Variants in ATAD2 observed in about 807,000 individuals in gnomAD.
ATAD2 encodes ATPase family AAA domain containing 2, also known as ATPase family AAA domain-containing protein 2.
ATAD2 carries 62 observed loss-of-function variants against 168.9 expected under a neutral mutation model. The ratio of observed to expected loss-of-function variants is 0.37; its 90% CI spans 0.30 to 0.45. The LOEUF (loss-of-function observed/expected upper bound fraction) is 0.45. Ranked by LOEUF, ATAD2 falls within the 20% of genes least tolerant of loss-of-function variation. The pLI, the probability that ATAD2 is intolerant of heterozygous loss-of-function variation, is 1.00. For missense variants in ATAD2, 1,419 were observed against 1,667.8 expected, an observed-to-expected ratio of 0.85 and a Z score of 2.60; for synonymous variants, 613 against 571.6, an observed-to-expected ratio of 1.07 and a Z score of -1.03.
rs201866636 is a variant in ATAD2 at position 123,359,558 on chromosome 8, T to G, written c.1266+19A>C. 1 of 1,576,530 alleles carries G rather than the reference T, an allele frequency of 6.3e-7. No individual in the cohort carries two copies. Among genetic ancestry groups the G allele is most frequent in the Non-Finnish European group, 8.7e-7 (1 of 1,151,142 alleles). ...AGCACATTATAGTTCAAGCATATGT[T>G]TCAAAACAGAGTACTCACTGAAGAA... On this transcript the variant is annotated intron_variant, in intron 10 of 27. Transcript: ENST00000287394.
rs138433048 is a variant in ATAD2, at chr8:123,346,224, T to C, written c.2394A>G (p.Val798=). Residue 798 remains valine, a synonymous_variant, in exon 18 of 28, where the codon GTA becomes GTG. Transcript: ENST00000287394. ...PMSFRPRILI[V]GEPGFGQGSH... is the part of the protein sequence containing the mutation. Reference sequence around the variant, plus strand: ...AACCTTGCCCAAATCCTGGTTCTCCTACTATCAATATTCTTGGTCGAAAAG... The same window carrying C: ...AACCTTGCCCAAATCCTGGTTCTCCCACTATCAATATTCTTGGTCGAAAAG... 131 of 1,610,254 alleles carry C rather than the reference T, an allele frequency of 8.1e-5. No homozygotes were observed. The African/African-American group carries it at 1.6e-3, about 20-fold the overall frequency.
rs1054479680 is a variant in ATAD2 at position 123,328,511 on chromosome 8, T to C, written c.3547A>G (p.Ile1183Val). Residue 1183 changes from isoleucine to valine, a missense_variant, in exon 25 of 28, where the codon ATT becomes GTT. Around this residue, in one of 5 missense-constraint regions of ATAD2, gnomAD observed 303 missense variants for 304.3 expected, o/e 1.00. Coordinates refer to ENST00000287394, the MANE Select transcript of ATAD2 (RefSeq NM_014109.4). ...TGGCTATCATCCTTTGCCTGTGAAATCTTCCTTCGCTTTTTTATGGTGCCT... is the reference window on the plus strand; with the variant it reads ...TGGCTATCATCCTTTGCCTGTGAAACCTTCCTTCGCTTTTTTATGGTGCCT... ...YLGTIKKRRKISQAKDDSQNA... is the reference protein window; with the variant it reads ...YLGTIKKRRKVSQAKDDSQNA... The C allele has an allele frequency of 6.3e-7, 1 of 1,596,502 alleles. No individual in the cohort carries two copies. Among genetic ancestry groups the C allele is most frequent in the South Asian group, 1.2e-5 (1 of 85,550 alleles).
intron 1 of ATAD2, among the ~76,000 whole-genome samples, chr8:123,409,417 G>A (rs1314803191): frequency 6.6e-6 from 1 of 152,170 alleles, no homozygotes; most frequent in Admixed American, 6.5e-5. Context: ...TTTAACTTGG[G>A]AAAATAGCAT....
intron 4 of ATAD2, 114 bp from the exon 5 acceptor site, chr8:123,371,452 TAAG>T (rs752803950): frequency 1.1e-6 from 1 of 884,136 alleles, no homozygotes. Flanking sequence ...AATATTTTTA[TAAG>T]AAGCATTGAT....
chr8:123,350,471 A>G (rs901257860), intron 13 of ATAD2, among the ~76,000 whole-genome samples: 4 of 152,200 alleles, frequency 2.6e-5, no homozygotes, highest in Non-Finnish European at 5.9e-5. Flanking sequence ...ACCTGTTTAC[A>G]TTTGATTTAG....
upstream of ATAD2, chr8:123,396,582 C>G (rs1812849520): frequency 1.8e-6 from 1 of 551,444 alleles, no homozygotes; most frequent in Admixed American, 3.5e-5. Flanking sequence ...GGAGGCCGGG[C>G]CAACGTGGAG....
At position 123,402,160 on chromosome 8, in the gene ATAD2, C is replaced by T. The variant is rs1813011744; in HGVS notation, c.-2281-985G>A. The T allele has an allele frequency of 2.3e-5, 16 of 695,290 alleles. No homozygotes were observed. The highest frequency in any genetic ancestry group is 8.1e-5 in the Admixed American group (4 of 49,082). 43.1% of individuals were successfully genotyped at this position (695,290 alleles called of 1,614,324 possible). ...GGGGGCACCCCCCAGTGTCCACCTT[C>T]GGGCATAGCCTCCCTCCATCACTGA... On this transcript the variant is annotated intron_variant, in intron 1 of 28. Transcript: ENST00000521903. The surrounding 1 kb of genome is among the most constrained non-coding windows in gnomAD (Gnocchi z 4.8).
intron 26 of ATAD2, among the ~76,000 whole-genome samples, chr8:123,325,362 A>C (rs1297594333): frequency 6.6e-6 from 1 of 151,588 alleles, no homozygotes; most frequent in Non-Finnish European, 1.5e-5. Context: ...GGCTCACTGC[A>C]AGCTCCACCT....
At chr8:123,354,919 CTG>C (rs1287878690) in intron 13 of ATAD2, among the ~76,000 whole-genome samples, 1 of 134,368 alleles carries the variant, frequency 7.4e-6, no homozygotes, top group African/African-American at 2.9e-5. Flanking sequence ...TACAATTACT[CTG>C]TAATTTTTTT....
chr8:123,372,892 C>CTTTTTT (rs766308467), intron 2 of ATAD2, among the ~76,000 whole-genome samples: 2 of 137,938 alleles, frequency 1.4e-5, no homozygotes, highest in African/African-American at 5.4e-5. Flanking sequence ...ATCCAGCTAA[C>CTTTTTT]TTTTTTTTTT....
chr8:123,407,946 G>C (rs1813090005), intron 1 of ATAD2, among the ~76,000 whole-genome samples: 1 of 152,170 alleles, frequency 6.6e-6, no homozygotes, highest in Admixed American at 6.5e-5. Flanking sequence ...ACAGAAACGA[G>C]GCTCAGGTAA....
At chr8:123,369,734 C>T (rs2129736396) in intron 7 of ATAD2, 87 bp downstream of exon 7, 1 of 1,176,528 alleles carries the variant, frequency 8.5e-7, no homozygotes, top group Non-Finnish European at 1.2e-6. Flanking sequence ...ATGAAAAATA[C>T]CAAAAAGACA....
intron 25 of ATAD2, 65 bp from the exon 26 acceptor site, chr8:123,326,091 T>C: frequency 2.6e-6 from 4 of 1,529,082 alleles, no homozygotes; most frequent in Non-Finnish European, 3.6e-6. Flanking sequence ...AAATAAATAA[T>C]AATATTAGGC....
In ATAD2 at chr8:123,321,042, T is replaced by C. The variant is rs1827453629; in HGVS notation, c.*92A>G. ...ACTATTTTAATCTTTTCCTTAAAGA[T>C]GCAGGGTTTCATACTACATCAATTA... is the stretch of plus-strand genomic sequence containing the variant. On this transcript the variant is annotated 3_prime_UTR_variant, in exon 28 of 28. Transcript: ENST00000287394. 9.3e-7 allele frequency: 1 copy of C among 1,069,692 alleles called. No homozygotes were observed. Among genetic ancestry groups the C allele is most frequent in the Non-Finnish European group, 1.4e-6 (1 of 717,796 alleles). The allele number at this position is 1,069,692 out of a possible 1,614,324, so 66.3% of individuals were successfully genotyped here.
intron 14 of ATAD2, 25 bp downstream of exon 14, chr8:123,349,260 A>G: frequency 1.3e-6 from 2 of 1,599,390 alleles, no homozygotes; most frequent in Non-Finnish European, 1.7e-6. Flanking sequence ...ATTTTGTCAA[A>G]ATTTGAGTGA....
intron 4 of ATAD2, 132 bp from the exon 5 acceptor site, chr8:123,371,470 TTG>T: frequency 1.2e-6 from 1 of 852,390 alleles, no homozygotes; most frequent in Non-Finnish European, 1.7e-6. Context: ...ATTGATTTAC[TTG>T]TATAAAAATA....
intron 2 of ATAD2, among the ~76,000 whole-genome samples, chr8:123,379,123 T>C (rs1343205008): frequency 1.3e-5 from 2 of 152,042 alleles, no homozygotes; most frequent in African/African-American, 4.8e-5. Context: ...TCAAACAAAT[T>C]TTACCCTAAT....
In ATAD2 at chr8:123,361,525, A is replaced by C. The variant is rs764879859; in HGVS notation, c.1157+14T>G. Reference sequence around the variant, plus strand: ...GTGTCTGCTAGTTTAAAAAGGCATCAATATGGCACTTACCTATTGATAGCC... The same window carrying C: ...GTGTCTGCTAGTTTAAAAAGGCATCCATATGGCACTTACCTATTGATAGCC... On this transcript the variant is annotated intron_variant, in intron 9 of 27. Transcript: ENST00000287394. 4 of 1,587,720 alleles carry C rather than the reference A, an allele frequency of 2.5e-6. No homozygotes were observed. Among genetic ancestry groups the C allele is most frequent in the South Asian group, 2.2e-5 (2 of 89,820 alleles).
chr8:123,398,384 C>T (rs1372200528), upstream of ATAD2, among the ~76,000 whole-genome samples: 1 of 151,914 alleles, frequency 6.6e-6, no homozygotes, highest in Admixed American at 6.6e-5. Flanking sequence ...GCGTGCACCA[C>T]CATGCCCAGC....
Sources: allele counts gnomAD v4.1 joint callset (sites outside exome capture counted in the v4.1 genomes callset), GRCh38; gene constraint gnomAD v4.1.1; regional missense constraint gnomAD v4.1.1; non-coding constraint Gnocchi (gnomAD v3.1); transcripts MANE v1.5; gene names NCBI Gene and HGNC (gene_info 2026-07-23, HGNC 2026-07-21).